The following CIMAP3 variants were observed in gnomAD, a reference collection of about 807,000 sequenced individuals.
CIMAP3 encodes ciliary microtubule associated protein 3.
the CIMAP3 span, among the ~76,000 whole-genome samples, chr1:111,334,163 G>C: frequency 6.6e-6 from 1 of 152,138 alleles, no homozygotes; most frequent in African/African-American, 2.4e-5. Flanking sequence ...GTTTGCTTCA[G>C]ACTAATTCTC....
the CIMAP3 span, among the ~76,000 whole-genome samples, chr1:111,350,878 CT>C: frequency 1.3e-5 from 2 of 152,166 alleles, no homozygotes; most frequent in Non-Finnish European, 2.9e-5. Context: ...TCCAGAGGTG[CT>C]TTTTTCTTTC....
At chr1:111,328,806 G>T in the CIMAP3 span, among the ~76,000 whole-genome samples, 1 of 151,980 alleles carries the variant, frequency 6.6e-6, no homozygotes, top group Non-Finnish European at 1.5e-5. Flanking sequence ...TATCCAGCTT[G>T]CCTCTCTGTG....
chr1:111,347,009 G>A, the CIMAP3 span: 3 of 1,613,878 alleles, frequency 1.9e-6, no homozygotes, highest in Non-Finnish European at 2.5e-6. Flanking sequence ...GTCCCTCTTA[G>A]GGGATCACCC....
chr1:111,337,586 C>T, the CIMAP3 span, among the ~76,000 whole-genome samples: 2 of 151,362 alleles, frequency 1.3e-5, no homozygotes, highest in African/African-American at 4.9e-5. Context: ...CAACAAAGAT[C>T]AAGAGACAAA....
At chr1:111,330,786 C>T in the CIMAP3 span, among the ~76,000 whole-genome samples, 3 of 152,128 alleles carry the variant, frequency 2.0e-5, no homozygotes, top group South Asian at 4.1e-4. Context: ...GGCTCCACCC[C>T]AAAGAGATGC....
the CIMAP3 span, among the ~76,000 whole-genome samples, chr1:111,329,980 T>C: frequency 6.6e-6 from 1 of 151,230 alleles, no homozygotes; most frequent in Non-Finnish European, 1.5e-5. Flanking sequence ...TGGTTTATTC[T>C]GGTGTCAATA....
the CIMAP3 span, among the ~76,000 whole-genome samples, chr1:111,331,476 C>T: frequency 6.6e-6 from 1 of 152,086 alleles, no homozygotes; most frequent in Non-Finnish European, 1.5e-5. Flanking sequence ...TTAGTCCAGT[C>T]TGTTGTTGAA....
chr1:111,335,951 C>G, the CIMAP3 span, among the ~76,000 whole-genome samples: 1 of 152,234 alleles, frequency 6.6e-6, no homozygotes, highest in Non-Finnish European at 1.5e-5. Context: ...GAGGCACCCC[C>G]CAGTAGGGGC....
At chr1:111,347,647 G>GTTTTTT in the CIMAP3 span, 1 of 862,580 alleles carries the variant, frequency 1.2e-6, no homozygotes, top group South Asian at 3.1e-5. Context: ...TGGTGTTTTT[G>GTTTTTT]TTTGTTTTTT....
chr1:111,346,871 G>A, the CIMAP3 span: 2 of 1,607,540 alleles, frequency 1.2e-6, no homozygotes, highest in South Asian at 2.2e-5. Context: ...GTAGACCCAG[G>A]TGCCGTCCCT....
At chr1:111,347,145 C>T in the CIMAP3 span, 2 of 1,378,990 alleles carry the variant, frequency 1.5e-6, no homozygotes. Flanking sequence ...TTCTGTGGGA[C>T]TTGAGATCTC....
chr1:111,348,504 T>C, the CIMAP3 span: 141 of 1,590,098 alleles, frequency 8.9e-5, no homozygotes, highest in Non-Finnish European at 1.1e-4. Flanking sequence ...ATGATCTTTT[T>C]CTTGGAAACA....
the CIMAP3 span, among the ~76,000 whole-genome samples, chr1:111,344,888 C>T: frequency 3.9e-4 from 59 of 152,268 alleles, 1 homozygote; most frequent in African/African-American, 1.4e-3. Context: ...TGGAGCAGCC[C>T]TATACAGGTG....
chr1:111,334,323 A>G, the CIMAP3 span, among the ~76,000 whole-genome samples: 7 of 152,344 alleles, frequency 4.6e-5, no homozygotes, highest in South Asian at 1.5e-3. Context: ...GGCTCCAATC[A>G]TTTACCAGAG....
chr1:111,340,265 C>G, the CIMAP3 span, among the ~76,000 whole-genome samples: 2 of 151,410 alleles, frequency 1.3e-5, no homozygotes, highest in Non-Finnish European at 3.0e-5. Context: ...AGAAGAAAAC[C>G]TAGGCATTAC....
the CIMAP3 span, among the ~76,000 whole-genome samples, chr1:111,336,614 T>C: frequency 6.6e-6 from 1 of 151,822 alleles, no homozygotes; most frequent in African/African-American, 2.4e-5. Context: ...GAAGATGAAA[T>C]GAATGAAATG....
chr1:111,339,885 C>A, the CIMAP3 span, among the ~76,000 whole-genome samples: 1 of 151,672 alleles, frequency 6.6e-6, no homozygotes, highest in African/African-American at 2.4e-5. Flanking sequence ...CAAAAAAGAG[C>A]CCGCATCGCC....
the CIMAP3 span, chr1:111,350,247 G>T: frequency 6.5e-7 from 1 of 1,543,052 alleles, no homozygotes; most frequent in South Asian, 1.1e-5. Flanking sequence ...AACTTCTGTA[G>T]AAGACTCTTA....
chr1:111,348,245 T>A, the CIMAP3 span: 1 of 280,994 alleles, frequency 3.6e-6, no homozygotes, highest in Non-Finnish European at 6.7e-6. Flanking sequence ...AGTGAGGTGT[T>A]AAGCATAGTG....
Sources: allele counts gnomAD v4.1 joint callset (sites outside exome capture counted in the v4.1 genomes callset), GRCh38; gene constraint gnomAD v4.1.1; transcripts MANE v1.5; gene names NCBI Gene and HGNC (gene_info 2026-07-23, HGNC 2026-07-21).